Variants in PEX5L observed in about 807,000 individuals in gnomAD.
The protein encoded by PEX5L is PEX5-related protein.
Under a neutral mutation model 84.0 loss-of-function variants are expected in PEX5L, and 30 were observed. That is an observed-to-expected ratio of 0.36 (90% CI 0.27 to 0.48). The LOEUF is 0.48. PEX5L is among the 20% of genes least tolerant of loss of function. The probability of loss-of-function intolerance (pLI) is 0.99; values close to 1 mark genes in which losing one functional copy is unlikely to be tolerated. For missense variants in PEX5L, 533 were observed against 754.6 expected (o/e 0.71, Z 3.44); for synonymous variants, 270 against 283.1 (o/e 0.95, Z 0.46).
intron 7 of PEX5L, among the ~76,000 whole-genome samples, chr3:179,860,290 G>A (rs1745579269): frequency 6.6e-6 from 1 of 152,232 alleles, no homozygotes; most frequent in Non-Finnish European, 1.5e-5. Flanking sequence ...GACACAGTGA[G>A]GCCTTGGGGA....
intron 2 of PEX5L, among the ~76,000 whole-genome samples, chr3:179,902,870 T>C (rs1262457539): frequency 1.3e-5 from 2 of 152,140 alleles, no homozygotes; most frequent in Non-Finnish European, 1.5e-5. Context: ...TAGGTTAGAT[T>C]AGAGGAAAAG....
At chr3:179,909,078 G>A (rs945375969) in intron 2 of PEX5L, among the ~76,000 whole-genome samples, 12 of 152,080 alleles carry the variant, frequency 7.9e-5, no homozygotes, top group Admixed American at 6.6e-4. Flanking sequence ...CTATGAGACA[G>A]GTGGCAAAGT....
At chr3:179,985,782 C>T (rs567996391) in intron 1 of PEX5L, among the ~76,000 whole-genome samples, 25 of 152,148 alleles carry the variant, frequency 1.6e-4, no homozygotes, top group Non-Finnish European at 2.5e-4. Flanking sequence ...TTGATTAATA[C>T]CTCTCTGGGG....
At position 179,898,133 on chromosome 3, in the gene PEX5L, T is replaced by A; in HGVS notation, c.198+9A>T. ...CAGCTTCCTACAGAAACCCTATGGGTCTGCCCACCTGTGATGTCATAGTAA... is the reference window on the plus strand; with the variant it reads ...CAGCTTCCTACAGAAACCCTATGGGACTGCCCACCTGTGATGTCATAGTAA... On this transcript the variant is annotated intron_variant, in intron 3 of 14. Coordinates refer to ENST00000467460, the MANE Select transcript of PEX5L (RefSeq NM_016559.3). 6.4e-7 allele frequency: 1 copy of A among 1,564,042 alleles called. No homozygotes were observed. Among genetic ancestry groups the A allele is most frequent in the Non-Finnish European group, 8.8e-7 (1 of 1,134,622 alleles).
At chr3:179,987,443 G>C (rs1786960664) in intron 1 of PEX5L, among the ~76,000 whole-genome samples, 1 of 152,194 alleles carries the variant, frequency 6.6e-6, no homozygotes, top group South Asian at 2.1e-4. Context: ...GGGGTGCTGG[G>C]ATTTAAAAAT....
At chr3:179,979,139 T>C (rs999011615) in intron 1 of PEX5L, among the ~76,000 whole-genome samples, 1 of 152,136 alleles carries the variant, frequency 6.6e-6, no homozygotes, top group Non-Finnish European at 1.5e-5. Flanking sequence ...AAACAAAAAT[T>C]CAACTTGAAA....
chr3:179,982,416 T>C (rs762797985), intron 1 of PEX5L, among the ~76,000 whole-genome samples: 6 of 152,190 alleles, frequency 3.9e-5, no homozygotes, highest in Non-Finnish European at 8.8e-5. Context: ...TCTTCTTCCA[T>C]TTGCACTTTT....
chr3:179,878,773 A>G (rs1753253657), intron 5 of PEX5L, among the ~76,000 whole-genome samples: 1 of 152,204 alleles, frequency 6.6e-6, no homozygotes, highest in South Asian at 2.1e-4. Flanking sequence ...GTGGAGGCTC[A>G]TGTAGTAACT....
chr3:180,028,722 G>T (rs893265144), intron 1 of PEX5L, among the ~76,000 whole-genome samples: 4 of 152,198 alleles, frequency 2.6e-5, no homozygotes, highest in Non-Finnish European at 5.9e-5. Context: ...AGATGAGAAG[G>T]TTGAAGAAAA....
chr3:179,876,677 A>C (rs1261635673), intron 5 of PEX5L, among the ~76,000 whole-genome samples: 1 of 151,946 alleles, frequency 6.6e-6, no homozygotes, highest in African/African-American at 2.4e-5. Flanking sequence ...TCATCTCCAA[A>C]ATTTCTCATC....
At chr3:179,984,039 TAAAG>T (rs1162322624) in intron 1 of PEX5L, among the ~76,000 whole-genome samples, 2 of 152,068 alleles carry the variant, frequency 1.3e-5, no homozygotes, top group Non-Finnish European at 2.9e-5. Context: ...GATGTTAACA[TAAAG>T]AGTGTACCAA....
intron 10 of PEX5L, among the ~76,000 whole-genome samples, chr3:179,813,316 T>A (rs1261351497): frequency 6.6e-6 from 1 of 152,184 alleles, no homozygotes; most frequent in Non-Finnish European, 1.5e-5. Flanking sequence ...TATTTATGAA[T>A]CTGAGATCGT....
chr3:179,827,882 C>T (rs902531023), intron 8 of PEX5L, among the ~76,000 whole-genome samples: 1 of 152,168 alleles, frequency 6.6e-6, no homozygotes, highest in Non-Finnish European at 1.5e-5. Context: ...AATCTCCCCC[C>T]AGCCCTTTTC....
At chr3:179,928,769 A>G (rs1316697328) in intron 2 of PEX5L, among the ~76,000 whole-genome samples, 1 of 152,168 alleles carries the variant, frequency 6.6e-6, no homozygotes, top group Non-Finnish European at 1.5e-5. Flanking sequence ...GTTGGCTTAT[A>G]CTCATTCCAT....
intron 9 of PEX5L, among the ~76,000 whole-genome samples, chr3:179,819,480 CTGT>C (rs1305261521): frequency 6.6e-6 from 1 of 152,216 alleles, no homozygotes; most frequent in Non-Finnish European, 1.5e-5. Flanking sequence ...GGTATCACTT[CTGT>C]TGTTGGTAAA....
At chr3:179,864,993 A>AC (rs1173701950) in intron 7 of PEX5L, among the ~76,000 whole-genome samples, 3 of 152,106 alleles carry the variant, frequency 2.0e-5, no homozygotes, top group African/African-American at 7.2e-5. Context: ...GTGAAGCCTG[A>AC]CCTAACAGGA....
chr3:179,934,089 G>C (rs1250548683), intron 2 of PEX5L, among the ~76,000 whole-genome samples: 3 of 152,228 alleles, frequency 2.0e-5, no homozygotes, highest in Non-Finnish European at 4.4e-5. Flanking sequence ...CAGAGCAAAT[G>C]CTCCAGCCAG....
chr3:179,841,876 AG>A (rs1337958376), intron 8 of PEX5L, among the ~76,000 whole-genome samples: 10 of 152,216 alleles, frequency 6.6e-5, no homozygotes, highest in African/African-American at 2.4e-4. Context: ...CTCCTTCAAC[AG>A]GGCTTTAGAA....
In PEX5L at chr3:180,028,858, T is replaced by C. The variant is rs564080698; in HGVS notation, c.21+7721A>G. ...ATCATCACATTTAGATTTAAGATTA[T>C]TTTGGTATAAAGACCAAATACCTGT... On this transcript the variant is annotated intron_variant, in intron 1 of 14. Transcript: ENST00000467460. Among the ~76,000 whole-genome samples, 90 of 152,360 alleles carry C rather than the reference T, an allele frequency of 5.9e-4. No individual in the cohort carries two copies. In the South Asian group the frequency reaches 0.018, roughly 30 times the overall value.
Sources: allele counts gnomAD v4.1 joint callset (sites outside exome capture counted in the v4.1 genomes callset), GRCh38; gene constraint gnomAD v4.1.1; transcripts MANE v1.5; gene names NCBI Gene and HGNC (gene_info 2026-07-23, HGNC 2026-07-21).